CCDC178: variants seen among roughly 807,000 people sequenced by gnomAD.
The protein encoded by CCDC178 is coiled-coil domain containing 178, also known as coiled-coil domain-containing protein 178.
In CCDC178, 126 loss-of-function variants were observed where a neutral mutation model predicts 117.4. That is an observed-to-expected ratio of 1.07 (90% CI 0.93 to 1.24). The LOEUF (loss-of-function observed/expected upper bound fraction) is 1.24. Among genes scored for constraint, CCDC178 ranks in the 50% most tolerant of loss-of-function variants. CCDC178 has a pLI of 0.00. For missense variants in CCDC178, 1,030 were observed against 986.9 expected (o/e 1.04, Z -0.59); for synonymous variants, 283 against 313.4 (o/e 0.90, Z 1.02).
At chr18:33,389,862 T>A (rs1343326426) in intron 4 of CCDC178, among the ~76,000 whole-genome samples, 1 of 151,714 alleles carries the variant, frequency 6.6e-6, no homozygotes, top group Non-Finnish European at 1.5e-5. Context: ...CATGAGGCTG[T>A]TTAAAACAAA....
At chr18:33,354,698 C>A (rs376212644) in intron 7 of CCDC178, among the ~76,000 whole-genome samples, 1 of 151,772 alleles carries the variant, frequency 6.6e-6, no homozygotes, top group African/African-American at 2.4e-5. Context: ...GCAACCTCCA[C>A]CTCCCGGGTT....
intron 21 of CCDC178, among the ~76,000 whole-genome samples, chr18:33,053,230 T>TAA (rs2056774732): frequency 6.6e-6 from 1 of 152,004 alleles, no homozygotes; most frequent in Non-Finnish European, 1.5e-5. Context: ...ATTTACACAG[T>TAA]CTACCTACTG....
intron 5 of CCDC178, among the ~76,000 whole-genome samples, chr18:33,371,722 C>T (rs905881836): frequency 4.0e-5 from 6 of 151,162 alleles, no homozygotes; most frequent in African/African-American, 1.5e-4. Context: ...AACACATATA[C>T]TTGCTATAAC....
At chr18:33,163,410 C>G (rs1467647668) in intron 20 of CCDC178, among the ~76,000 whole-genome samples, 1 of 152,080 alleles carries the variant, frequency 6.6e-6, no homozygotes, top group African/African-American at 2.4e-5. Flanking sequence ...ATGCTTTTTA[C>G]TATTTCTAAA....
Position 33,192,234 on chromosome 18 carries a change from A to T in CCDC178, c.2238+19662T>A, listed in dbSNP as rs569912445. Among the ~76,000 whole-genome samples, 113 of 152,310 alleles carry T rather than the reference A, an allele frequency of 7.4e-4. 1 individual carries two copies. Among genetic ancestry groups the T allele is most frequent in the African/African-American group, 2.6e-3 (109 of 41,560 alleles). On this transcript the variant is annotated intron_variant, in intron 20 of 22. Transcript: ENST00000383096. The stretch of plus-strand genomic sequence containing the variant: ...CAACTTGGTTGTAATTTCCTATAGC[A>T]GAGTTTAATATAGTATGAATTCAAT...
intron 22 of CCDC178, among the ~76,000 whole-genome samples, chr18:32,969,916 A>G (rs1383966613): frequency 6.6e-6 from 1 of 152,062 alleles, no homozygotes; most frequent in Non-Finnish European, 1.5e-5. Flanking sequence ...AGTAAAAATA[A>G]AAAATAATGG....
Position 33,092,764 on chromosome 18 carries a change from T to C in CCDC178, c.2385A>G (p.Lys795=), listed in dbSNP as rs1320071485. The C allele has an allele frequency of 5.2e-6, 8 of 1,525,724 alleles. No homozygotes were observed. Among genetic ancestry groups the C allele is most frequent in the Non-Finnish European group, 7.2e-6 (8 of 1,116,476 alleles). The allele number at this position is 1,525,724 out of a possible 1,614,324, so 94.5% of individuals were successfully genotyped here. ...LSLDTSIRDK[K]QLCQLQRRMH... is the part of the protein sequence containing the mutation. ...AAACAATTAGAAAAACCAATACCTGTTTCTTATCTCTAATTGAAGTATCAA... is the reference window on the plus strand; with the variant it reads ...AAACAATTAGAAAAACCAATACCTGCTTCTTATCTCTAATTGAAGTATCAA... The change falls in exon 21 of 23, where the codon AAA becomes AAG. Residue 795 remains lysine, a synonymous_variant. Transcript: ENST00000383096.
intron 15 of CCDC178, among the ~76,000 whole-genome samples, chr18:33,242,710 C>A (rs2059502634): frequency 6.6e-6 from 1 of 151,604 alleles, no homozygotes; most frequent in South Asian, 2.1e-4. Flanking sequence ...ACAACTGTAT[C>A]ATCAAACTCC....
At chr18:33,018,526 T>C (rs1365228942) in intron 21 of CCDC178, among the ~76,000 whole-genome samples, 1 of 152,082 alleles carries the variant, frequency 6.6e-6, no homozygotes, top group Non-Finnish European at 1.5e-5. Flanking sequence ...CAAAATATGG[T>C]ATAGTCATAT....
At chr18:33,041,102 T>A (rs2056542257) in intron 21 of CCDC178, among the ~76,000 whole-genome samples, 1 of 151,878 alleles carries the variant, frequency 6.6e-6, no homozygotes, top group African/African-American at 2.4e-5. Context: ...GCCAAGGCAG[T>A]TTTTTAGTAA....
chr18:33,326,799 C>G (rs1285726903), intron 10 of CCDC178, among the ~76,000 whole-genome samples: 2 of 151,410 alleles, frequency 1.3e-5, no homozygotes, highest in African/African-American at 4.9e-5. Context: ...TTGAAGGCAG[C>G]CTTCTCTCTC....
chr18:32,938,016 C>T lies in CCDC178; in HGVS notation c.2599G>A (p.Gly867Ser), dbSNP rs535699473. The T allele has an allele frequency of 4.3e-6, 7 of 1,611,626 alleles. No homozygotes were observed. In the African/African-American group the frequency reaches 6.7e-5, roughly 15 times the overall value. Residue 867 changes from glycine to serine, a missense_variant, in exon 23 of 23, where the codon GGT (glycine) becomes AGT (serine). Transcript: ENST00000383096. ...AAGATACATTGGTTGTTTGCTTAAC[C>T]ATCGTTTTCGCATGTGCCATCTGTC... Reference protein sequence around the residue: ...TLTDGTCENDG With the variant: ...TLTDGTCENDS
chr18:33,152,116 GAGA>G (rs1411344564), intron 20 of CCDC178, among the ~76,000 whole-genome samples: 3 of 152,098 alleles, frequency 2.0e-5, no homozygotes, highest in Non-Finnish European at 4.4e-5. Flanking sequence ...TTTCGGAGAG[GAGA>G]AGGAGGAAAG....
intron 9 of CCDC178, among the ~76,000 whole-genome samples, chr18:33,337,438 A>G (rs1349482981): frequency 6.6e-6 from 1 of 152,004 alleles, no homozygotes; most frequent in Non-Finnish European, 1.5e-5. Flanking sequence ...GACTTCCAGT[A>G]CTATGTTGAA....
intron 4 of CCDC178, among the ~76,000 whole-genome samples, chr18:33,392,699 A>C (rs1163815822): frequency 6.6e-6 from 1 of 152,154 alleles, no homozygotes; most frequent in Non-Finnish European, 1.5e-5. Flanking sequence ...GAAGAATTAA[A>C]AATATAAAAT....
At chr18:33,437,457 A>G (rs1483721991) in intron 2 of CCDC178, among the ~76,000 whole-genome samples, 1 of 152,056 alleles carries the variant, frequency 6.6e-6, no homozygotes, top group Admixed American at 6.5e-5. Flanking sequence ...CATCCAGTTC[A>G]TTGGTTTGTG....
chr18:33,038,070 T>C lies in CCDC178; in HGVS notation c.2388+54691A>G, dbSNP rs148773286. ...TCAGAAAAACACACCTCCCAGTTTT[T>C]TCAATAAAAGTATGATTATTTTACA... On this transcript the variant is annotated intron_variant, in intron 21 of 22. Transcript: ENST00000383096. Among the ~76,000 whole-genome samples, 278 of 152,016 alleles carry C rather than the reference T, an allele frequency of 1.8e-3. 2 individuals are homozygous for C. The highest frequency in any genetic ancestry group is 6.4e-3 in the African/African-American group (267 of 41,516).
intron 3 of CCDC178, among the ~76,000 whole-genome samples, chr18:33,399,242 G>C (rs2063679322): frequency 6.6e-6 from 1 of 151,992 alleles, no homozygotes; most frequent in Non-Finnish European, 1.5e-5. Flanking sequence ...CCTTCAGCAA[G>C]TCATAATCTT....
chr18:33,171,627 G>A (rs550398411), intron 20 of CCDC178, among the ~76,000 whole-genome samples: 54 of 152,164 alleles, frequency 3.5e-4, no homozygotes, highest in Non-Finnish European at 4.9e-4. Flanking sequence ...AATTGCCTGT[G>A]CTGTAAATTA....
Sources: gnomAD v4.1 joint callset for allele counts (sites outside exome capture counted in the v4.1 genomes callset) on GRCh38, gnomAD v4.1.1 for gene constraint, MANE v1.5 for transcripts, NCBI Gene and HGNC (gene_info 2026-07-23, HGNC 2026-07-21) for gene names.